Variants in AMZ1 observed in about 807,000 individuals in gnomAD.
The protein encoded by AMZ1 is archaelysin family metallopeptidase 1, also known as archaemetzincin-1.
In AMZ1, 39 loss-of-function variants were observed where a neutral mutation model predicts 29.9. The ratio of observed to expected loss-of-function variants is 1.30; its 90% confidence interval spans 1.01 to 1.70. AMZ1 has a LOEUF of 1.70. AMZ1 is among the 40% of genes most tolerant of loss of function. The pLI is 0.00. For missense variants in AMZ1, 1,041 were observed against 680.6 expected (o/e 1.53, Z -5.89); for synonymous variants, 458 against 304.0 (o/e 1.51, Z -5.27).
At chr7:2,721,602 G>C (rs548205776), downstream of AMZ1, among the ~76,000 whole-genome samples, 36 of 152,174 alleles carry the variant, frequency 2.4e-4, no homozygotes, top group Non-Finnish European at 4.3e-4. Flanking sequence ...TGTAGTCCCA[G>C]CTATTTGGGA....
At chr7:2,744,957 G>C (rs534905785) in intron 4 of AMZ1, among the ~76,000 whole-genome samples, 48 of 152,108 alleles carry the variant, frequency 3.2e-4, no homozygotes, top group Non-Finnish European at 5.0e-4. Flanking sequence ...AGTGAGAAGA[G>C]AAGCTTAGAG....
intron 1 of AMZ1, among the ~76,000 whole-genome samples, chr7:2,694,861 CAG>C (rs1418862224): frequency 2.0e-5 from 3 of 152,132 alleles, no homozygotes; most frequent in Admixed American, 6.5e-5. Context: ...TTAGTAGAGA[CAG>C]GGTTTCACCA....
Position 2,713,036 on chromosome 7 carries a change from G to T in AMZ1, c.*158G>T. 1 of 748,750 alleles carries T rather than the reference G, an allele frequency of 1.3e-6. No homozygotes were observed. Among genetic ancestry groups the T allele is most frequent in the South Asian group, 4.5e-5 (1 of 22,404 alleles). The allele number at this position is 748,750 out of a possible 1,614,324, so 46.4% of individuals were successfully genotyped here. On this transcript the variant is annotated 3_prime_UTR_variant, in exon 7 of 7. Transcript: ENST00000683327. ...CATCACTTTGAGAGGCCAGGAGTTT[G>T]AGACCAGACTGGGCAACATGGTGAG... is the stretch of plus-strand genomic sequence containing the variant.
At chr7:2,701,366 A>G (rs747279170) in intron 2 of AMZ1, among the ~76,000 whole-genome samples, 1 of 152,108 alleles carries the variant, frequency 6.6e-6, no homozygotes, top group African/African-American at 2.4e-5. Flanking sequence ...ACGGGACTGG[A>G]ACGCAGTTCT....
chr7:2,754,686 C>A (rs183414060), intron 4 of AMZ1, among the ~76,000 whole-genome samples: 42 of 152,236 alleles, frequency 2.8e-4, no homozygotes, highest in Middle Eastern at 3.4e-3. Flanking sequence ...GAGACTGAGG[C>A]TGCAGTGAGC....
At chr7:2,708,278 C>T (rs1788491400) in intron 3 of AMZ1, among the ~76,000 whole-genome samples, 1 of 152,206 alleles carries the variant, frequency 6.6e-6, no homozygotes. Context: ...CGCTCAGCTG[C>T]TGAGGTGGCT....
chr7:2,680,490 C>T (rs1283125083), intron 1 of AMZ1, among the ~76,000 whole-genome samples: 1 of 152,220 alleles, frequency 6.6e-6, no homozygotes, highest in East Asian at 1.9e-4. Flanking sequence ...GGGAGCCGGG[C>T]ACGTCCTTGG....
intron 4 of AMZ1, among the ~76,000 whole-genome samples, chr7:2,750,417 G>T (rs1448010513): frequency 1.3e-5 from 2 of 152,144 alleles, no homozygotes; most frequent in East Asian, 1.9e-4. Context: ...TTATCCTCAG[G>T]GGACACATGC....
chr7:2,682,813 C>T (rs1271319924), intron 1 of AMZ1, among the ~76,000 whole-genome samples: 1 of 151,984 alleles, frequency 6.6e-6, no homozygotes, highest in Non-Finnish European at 1.5e-5. Flanking sequence ...ACTTCCTGCA[C>T]CCATCTTTGC....
intron 4 of AMZ1, chr7:2,733,512 G>A (rs746118650): frequency 2.5e-6 from 4 of 1,610,740 alleles, no homozygotes; most frequent in African/African-American, 2.7e-5. Flanking sequence ...CTGTCAGGAA[G>A]GAAGAATATT....
chr7:2,700,213 C>T (rs1787967474), intron 1 of AMZ1, 21 bp from the exon 2 acceptor site: 3 of 571,086 alleles, frequency 5.3e-6, no homozygotes, highest in African/African-American at 3.7e-5. Context: ...GTGAGGGGAC[C>T]CCTGTTCGTG....
intron 1 of AMZ1, among the ~76,000 whole-genome samples, chr7:2,680,607 G>A (rs564561603): frequency 2.6e-5 from 4 of 152,358 alleles, no homozygotes; most frequent in East Asian, 1.9e-4. Flanking sequence ...CCCCAGCTCC[G>A]ACTATGTGGG....
Position 2,713,106 on chromosome 7 carries a change from G to T in AMZ1, c.*228G>T, listed in dbSNP as rs1454207673. 4.3e-5 allele frequency: 18 copies of T among 421,680 alleles called. No homozygotes were observed. Among genetic ancestry groups the T allele is most frequent in the African/African-American group, 6.2e-5 (3 of 48,772 alleles). 26.1% of individuals were successfully genotyped at this position (421,680 alleles called of 1,614,324 possible). A position where few individuals can be genotyped will look rare whatever the true frequency, so the allele number is the denominator to read the frequency against. On this transcript the variant is annotated 3_prime_UTR_variant, in exon 7 of 7. Transcript: ENST00000683327. The stretch of plus-strand genomic sequence containing the variant: ...AAAATTAAAAAATTAGCTGGATGAA[G>T]TGGTTCATGCCTGTGTTCCCAGCTA...
chr7:2,687,920 G>A (rs1787147312), upstream of AMZ1, among the ~76,000 whole-genome samples: 3 of 152,154 alleles, frequency 2.0e-5, no homozygotes, highest in African/African-American at 7.2e-5. Flanking sequence ...GCCTTGCAGA[G>A]TAGCCGGGTT....
At chr7:2,757,042 T>A (rs1367659367) in intron 4 of AMZ1, among the ~76,000 whole-genome samples, 1 of 151,392 alleles carries the variant, frequency 6.6e-6, no homozygotes, top group African/African-American at 2.4e-5. Context: ...CCAGTGGCAC[T>A]CCAGTCTGGG....
chr7:2,706,016 C>G (rs919688165), intron 3 of AMZ1, among the ~76,000 whole-genome samples: 2 of 152,218 alleles, frequency 1.3e-5, no homozygotes, highest in African/African-American at 4.8e-5. Context: ...GGGCTTTCCA[C>G]CCCCTCTGCT....
At chr7:2,746,125 A>C (rs1327020600) in intron 4 of AMZ1, among the ~76,000 whole-genome samples, 4 of 152,222 alleles carry the variant, frequency 2.6e-5, no homozygotes, top group Admixed American at 2.6e-4. Context: ...ACAGAAAGTT[A>C]ACAAGGATAC....
chr7:2,712,720 C>T lies in AMZ1; in HGVS notation c.1339C>T (p.Leu447Phe). ...LDRWEMFTGQ[L>F]PATRQDPPSS... is the part of the protein sequence containing the mutation. ...CCGCTGGGAGATGTTCACGGGCCAG[C>T]TCCCGGCCACCAGGCAGGACCCACC... The change falls in exon 7 of 7, where the codon CTC (leucine) becomes TTC (phenylalanine). Residue 447 changes from leucine (L) to phenylalanine (F), a missense_variant. Leu to Phe is a conservative substitution (Grantham distance 22). Coordinates refer to ENST00000683327, the MANE Select transcript of AMZ1 (RefSeq NM_001384743.1). 5 of 1,609,088 alleles carry T rather than the reference C, an allele frequency of 3.1e-6. No individual in the cohort carries two copies. The highest frequency in any genetic ancestry group is 4.2e-6 in the Non-Finnish European group (5 of 1,177,716).
chr7:2,754,223 G>T (rs1324337360), intron 4 of AMZ1, among the ~76,000 whole-genome samples: 2 of 152,182 alleles, frequency 1.3e-5, no homozygotes, highest in Non-Finnish European at 2.9e-5. Context: ...AATTGGCAGT[G>T]ACTCAATGGC....
Sources: allele counts gnomAD v4.1 joint callset (sites outside exome capture counted in the v4.1 genomes callset), GRCh38; gene constraint gnomAD v4.1.1; transcripts MANE v1.5; gene names NCBI Gene and HGNC (gene_info 2026-07-23, HGNC 2026-07-21).